The following REG3A variants were observed in gnomAD, a reference collection of about 807,000 sequenced individuals.
REG3A encodes the protein regenerating islet-derived protein 3-alpha.
Under a neutral mutation model 20.5 loss-of-function variants are expected in REG3A, and 15 were observed. The observed-to-expected ratio is 0.73, with a 90% CI of 0.49 to 1.12. REG3A has a LOEUF of 1.12. Ranked by LOEUF, REG3A falls within the 50% of genes most tolerant of loss-of-function variation. REG3A has a pLI of 0.00. For synonymous variants in REG3A, 93 were observed against 83.2 expected, an observed-to-expected ratio of 1.12 and a Z score of -0.64; for missense variants, 224 against 213.1, an observed-to-expected ratio of 1.05 and a Z score of -0.32.
chr2:79,157,758 GCC>G (rs1196902676), intron 4 of REG3A, 60 bp from the exon 5 acceptor site: 1 of 1,567,952 alleles, frequency 6.4e-7, no homozygotes, highest in Non-Finnish European at 8.7e-7. Flanking sequence ...TTCTTGCATG[GCC>G]CCTTAGCTGC....
At chr2:79,159,541 C>T (rs1250113931) in intron 1 of REG3A, 102 bp from the exon 2 acceptor site, 4 of 804,538 alleles carry the variant, frequency 5.0e-6, no homozygotes, top group Non-Finnish European at 8.2e-6. Context: ...TGGTCACATC[C>T]ATCATCTTCT....
At chr2:79,158,256 G>T in intron 4 of REG3A, 70 bp downstream of exon 4, 1 of 1,545,834 alleles carries the variant, frequency 6.5e-7, no homozygotes, top group Non-Finnish European at 8.8e-7. Context: ...GCAGGCACAG[G>T]GGACAGGGAG....
chr2:79,157,081 G>T lies in REG3A; in HGVS notation c.*145C>A. ...ATGAAGAGACTGAAATGACAGCGGG[G>T]AGGAAGAAACAGAAGAAAGATAAGA... On this transcript the variant is annotated 3_prime_UTR_variant, in exon 6 of 6. Transcript: ENST00000305165. The T allele has an allele frequency of 1.5e-6, 1 of 678,484 alleles. No homozygotes were observed. Among genetic ancestry groups the T allele is most frequent in the South Asian group, 1.8e-5 (1 of 55,858 alleles). The allele number at this position is 678,484 out of a possible 1,614,324, so 42.0% of individuals were successfully genotyped here. A position where few individuals can be genotyped will look rare whatever the true frequency, so the allele number is the denominator to read the frequency against.
chr2:79,158,750 T>C lies in REG3A; in HGVS notation c.96A>G (p.Glu32=). ...SQVQGEEPQR[E]LPSARIRCPK... is the part of the protein sequence containing the mutation. ...GACAGCGGATCCGTGCAGAGGGCAGTTCCCTCTGGGGTTCTTCACCTGAGG... is the reference window on the plus strand; with the variant it reads ...GACAGCGGATCCGTGCAGAGGGCAGCTCCCTCTGGGGTTCTTCACCTGAGG... Residue 32 remains glutamate (E), a synonymous_variant, in exon 3 of 6, where the codon GAA becomes GAG. Coordinates refer to ENST00000305165, the MANE Select transcript of REG3A (RefSeq NM_002580.3). 1 of 1,613,674 alleles carries C rather than the reference T, an allele frequency of 6.2e-7. No individual in the cohort carries two copies. The highest frequency in any genetic ancestry group is 8.5e-7 in the Non-Finnish European group (1 of 1,179,816).
At chr2:79,157,773 C>T in intron 4 of REG3A, 75 bp from the exon 5 acceptor site, 5 of 1,543,074 alleles carry the variant, frequency 3.2e-6, no homozygotes, top group Non-Finnish European at 4.4e-6. Flanking sequence ...TTAGCTGCAA[C>T]ACCTGATTTG....
At position 79,158,789 on chromosome 2, in the gene REG3A, G is replaced by A. The variant is rs766411434; in HGVS notation, c.77-20C>T. ...CTTCACCTGAGGTGGAAGAAGAGGG[G>A]GGAGGGTAAAATGAAGAGTGGGGCT... On this transcript the variant is annotated intron_variant, in intron 2 of 5. Transcript: ENST00000305165. The A allele has an allele frequency of 6.3e-7, 1 of 1,598,366 alleles. No individual in the cohort carries two copies. The highest frequency in any genetic ancestry group is 1.1e-5 in the South Asian group (1 of 90,402).
intron 2 of REG3A, 70 bp from the exon 3 acceptor site, chr2:79,158,839 A>G: frequency 8.4e-7 from 1 of 1,189,380 alleles, no homozygotes; most frequent in East Asian, 2.4e-5. Flanking sequence ...ACCTTGGGGA[A>G]TACCTAGGAA....
At chr2:79,158,810 G>A (rs746226853) in intron 2 of REG3A, 41 bp from the exon 3 acceptor site, 2 of 1,530,608 alleles carry the variant, frequency 1.3e-6, no homozygotes, top group South Asian at 2.3e-5. Flanking sequence ...ATGAAGAGTG[G>A]GGCTTGGGGT....
At chr2:79,158,251 C>T in intron 4 of REG3A, 75 bp downstream of exon 4, 1 of 1,531,256 alleles carries the variant, frequency 6.5e-7, no homozygotes, top group Non-Finnish European at 8.9e-7. Context: ...CCTGGGCAGG[C>T]ACAGGGGACA....
intron 5 of REG3A, 77 bp downstream of exon 5, chr2:79,157,489 CAGGAAG>C: frequency 4.5e-6 from 7 of 1,568,694 alleles, no homozygotes; most frequent in Non-Finnish European, 6.1e-6. Flanking sequence ...TTTTCTAGCT[CAGGAAG>C]ATTTCCTGAA....
intron 1 of REG3A, 54 bp from the exon 2 acceptor site, chr2:79,159,493 C>A: frequency 7.7e-7 from 1 of 1,305,344 alleles, no homozygotes; most frequent in Non-Finnish European, 1.1e-6. Context: ...TGCCTCATGT[C>A]ATTTTCCTTC....
chr2:79,157,006 T>C lies in REG3A; in HGVS notation c.*220A>G. On this transcript the variant is annotated 3_prime_UTR_variant, in exon 6 of 6. Coordinates refer to ENST00000305165, the MANE Select transcript of REG3A (RefSeq NM_002580.3). ...CACTGGCATATACAAGACAAACAAG[T>C]GCAGACTAAAAATTTTATTGCTCTT... 1.7e-6 allele frequency: 1 copy of C among 590,482 alleles called. No homozygotes were observed. The highest frequency in any genetic ancestry group is 3.0e-6 in the Non-Finnish European group (1 of 334,180). 36.6% of individuals were successfully genotyped at this position (590,482 alleles called of 1,614,324 possible).
At chr2:79,157,460 A>G (rs1022409145) in intron 5 of REG3A, 112 bp downstream of exon 5, 1 of 1,500,960 alleles carries the variant, frequency 6.7e-7, no homozygotes, top group African/African-American at 1.4e-5. Context: ...GAGATAAGAG[A>G]AGACACACTA....
rs56413330 is a variant in REG3A, at chr2:79,159,434, G to C, written c.-29C>G. 5.0e-6 allele frequency: 8 copies of C among 1,610,902 alleles called. No homozygotes were observed. Among genetic ancestry groups the C allele is most frequent in the Non-Finnish European group, 6.8e-6 (8 of 1,177,478 alleles). ...GTCTGCGACTTGAGGAGGCAATCAG[G>C]AGTCACTAAAGAAAGCGTGGTCAGT... On this transcript the variant is annotated 5_prime_UTR_variant, in exon 2 of 6. Transcript: ENST00000305165.
In REG3A at chr2:79,158,642, A is replaced by G. The variant is rs1487100873; in HGVS notation, c.195+9T>C. The G allele has an allele frequency of 3.1e-6, 5 of 1,613,640 alleles. No individual in the cohort carries two copies. The highest frequency in any genetic ancestry group is 4.2e-6 in the Non-Finnish European group (5 of 1,179,652). ...CCGGTCACCTCCAACACCACATCTA[A>G]CCACTCACATCTGCATCTGTCCAGG... On this transcript the variant is annotated intron_variant, in intron 3 of 5. Transcript: ENST00000305165.
rs199992892 is a variant in REG3A at position 79,158,355 on chromosome 2, C to T, written c.304G>A (p.Val102Ile). Residue 102 changes from valine to isoleucine, a missense_variant, in exon 4 of 6, where the codon GTC becomes ATC. Physicochemically the swap from Val to Ile is conservative, Grantham distance 29. Coordinates refer to ENST00000305165, the MANE Select transcript of REG3A (RefSeq NM_002580.3). ...VKSIGNSYSY[V>I]WIGLHDPTQG... is the part of the protein sequence containing the mutation. ...GTGGGGTCATGGAGCCCAATCCAGACGTATGAGTAGCTGTTACCAATGCTC... is the reference window on the plus strand; with the variant it reads ...GTGGGGTCATGGAGCCCAATCCAGATGTATGAGTAGCTGTTACCAATGCTC... The T allele has an allele frequency of 9.7e-5, 156 of 1,609,416 alleles. No homozygotes were observed. The highest frequency in any genetic ancestry group is 7.1e-4 in the South Asian group (64 of 90,056).
Position 79,158,405 on chromosome 2 carries a change from C to A in REG3A, c.254G>T (p.Gly85Val). 6.2e-7 allele frequency: 1 copy of A among 1,614,146 alleles called. No individual in the cohort carries two copies. ...CTTCACCAGGGAGGACACGAAGGAT[C>A]CCTCAGCCCCACTGAGCACAGACAC... ...NLVSVLSGAE[G>V]SFVSSLVKSI... Residue 85 changes from glycine (G) to valine (V), a missense_variant, in exon 4 of 6, where the codon GGA becomes GTA. Transcript: ENST00000305165.
At chr2:79,158,957 T>C in intron 2 of REG3A, 188 bp from the exon 3 acceptor site, 1 of 603,044 alleles carries the variant, frequency 1.7e-6, no homozygotes, top group South Asian at 2.0e-5. Context: ...CCATCCAGTC[T>C]CTTATTACCC....
intron 2 of REG3A, 131 bp downstream of exon 2, chr2:79,159,199 A>C: frequency 2.2e-6 from 2 of 904,954 alleles, no homozygotes; most frequent in Non-Finnish European, 3.5e-6. Context: ...GGAAGGAGAG[A>C]TGATGCAAGA....
Sources: gnomAD v4.1 joint callset for allele counts on GRCh38, gnomAD v4.1.1 for gene constraint, MANE v1.5 for transcripts, NCBI Gene and HGNC (gene_info 2026-07-23, HGNC 2026-07-21) for gene names.